SLC45A4: variants seen among roughly 807,000 people sequenced by gnomAD.
The protein encoded by SLC45A4 is solute carrier family 45 member 4, also known as polyamine-transporter SLC45A4.
In SLC45A4, 32 loss-of-function variants were observed where a neutral mutation model predicts 63.7. The observed-to-expected ratio is 0.50, with a 90% CI of 0.38 to 0.67. The LOEUF (loss-of-function observed/expected upper bound fraction) is 0.67. Ranked by LOEUF, SLC45A4 falls within the 30% of genes least tolerant of loss-of-function variation. The probability of loss-of-function intolerance (pLI) is 0.00; values close to 1 mark genes in which losing one functional copy is unlikely to be tolerated. For missense variants in SLC45A4, 1,027 were observed against 1,157.7 expected (o/e 0.89, Z 1.64); for synonymous variants, 535 against 510.0 (o/e 1.05, Z -0.66).
At chr8:141,258,209 G>A (rs58370789) in intron 1 of SLC45A4, among the ~76,000 whole-genome samples, 7,725 of 152,150 alleles carry the variant, frequency 0.051, 668 homozygotes, top group African/African-American at 0.17. Context: ...GGGTCAGGAA[G>A]TCGCCAGAGT....
At chr8:141,303,282 C>A (rs1830803483) in intron 1 of SLC45A4, among the ~76,000 whole-genome samples, 1 of 151,326 alleles carries the variant, frequency 6.6e-6, no homozygotes, top group South Asian at 2.1e-4. Context: ...TAGGCACGTG[C>A]CATCGTGCCC....
At chr8:141,238,103 G>A (rs935687075) in intron 2 of SLC45A4, among the ~76,000 whole-genome samples, 2 of 152,144 alleles carry the variant, frequency 1.3e-5, no homozygotes, top group Non-Finnish European at 2.9e-5. Flanking sequence ...AGCTGGCCAC[G>A]GGCCACCTGT....
At position 141,304,572 on chromosome 8, in the gene SLC45A4, A is replaced by G. The variant is rs140613679; in HGVS notation, c.-401+3524T>C. Reference sequence around the variant, plus strand: ...AGACTGTCTCAAAAAAAAAAAAAAAAAGGGGGGGAGAGAGAGAACTTCCTC... The same window carrying G: ...AGACTGTCTCAAAAAAAAAAAAAAAGAGGGGGGGAGAGAGAGAACTTCCTC... On this transcript the variant is annotated intron_variant, in intron 1 of 8. Transcript: ENST00000517878. 7.9e-4 allele frequency among the ~76,000 whole-genome samples: 65 copies of G among 82,450 alleles called. 2 individuals carry two copies. Among genetic ancestry groups the G allele is most frequent in the Middle Eastern group, 6.8e-3 (1 of 148 alleles). 54.1% of individuals were successfully genotyped at this position (82,450 alleles called of 152,430 possible).
chr8:141,242,898 C>CTA (rs1188232692), intron 2 of SLC45A4, among the ~76,000 whole-genome samples: 2 of 152,168 alleles, frequency 1.3e-5, no homozygotes, highest in Non-Finnish European at 2.9e-5. Context: ...TGGTAGGAGG[C>CTA]TATAGAATCT....
chr8:141,250,792 C>A (rs953335601), intron 2 of SLC45A4, among the ~76,000 whole-genome samples: 1 of 152,206 alleles, frequency 6.6e-6, no homozygotes, highest in South Asian at 2.1e-4. Context: ...GATGGGTTTA[C>A]TGGGACATAC....
At chr8:141,232,981 G>A (rs1016727524) in intron 2 of SLC45A4, among the ~76,000 whole-genome samples, 2 of 152,240 alleles carry the variant, frequency 1.3e-5, no homozygotes, top group Non-Finnish European at 2.9e-5. Flanking sequence ...GAGTGGAGAG[G>A]AGCAGCAGCC....
intron 2 of SLC45A4, among the ~76,000 whole-genome samples, chr8:141,236,483 C>T (rs1589796822): frequency 6.6e-6 from 1 of 152,332 alleles, no homozygotes; most frequent in Middle Eastern, 3.4e-3. Context: ...CATCCAAGTC[C>T]ATGCTTCACT....
intron 1 of SLC45A4, among the ~76,000 whole-genome samples, chr8:141,259,538 A>G (rs1828965824): frequency 6.6e-6 from 1 of 151,864 alleles, no homozygotes; most frequent in Non-Finnish European, 1.5e-5. Flanking sequence ...CTCCTCTTGC[A>G]TCTCCTCCCG....
intron 1 of SLC45A4, among the ~76,000 whole-genome samples, chr8:141,255,989 C>A (rs758555875): frequency 6.6e-6 from 1 of 152,154 alleles, no homozygotes; most frequent in African/African-American, 2.4e-5. Flanking sequence ...CCAACCCACA[C>A]GCAGCTTTCC....
At chr8:141,246,270 G>A (rs1340197914) in intron 2 of SLC45A4, among the ~76,000 whole-genome samples, 1 of 152,174 alleles carries the variant, frequency 6.6e-6, no homozygotes, top group African/African-American at 2.4e-5. Context: ...TCCTGCTGCT[G>A]CGTAACAAAC....
chr8:141,230,229 T>G (rs1827272125), intron 2 of SLC45A4: 1 of 427,176 alleles, frequency 2.3e-6, no homozygotes, highest in African/African-American at 2.0e-5. Context: ...TAAGACCCAC[T>G]GTGGCTGTCA....
At chr8:141,255,006 G>A (rs771670052) in intron 1 of SLC45A4, among the ~76,000 whole-genome samples, 1 of 152,192 alleles carries the variant, frequency 6.6e-6, no homozygotes, top group Non-Finnish European at 1.5e-5. Flanking sequence ...CTTTGTGGCT[G>A]CAGATATCAT....
chr8:141,264,302 C>T (rs755684676), intron 1 of SLC45A4, among the ~76,000 whole-genome samples: 2 of 152,102 alleles, frequency 1.3e-5, no homozygotes, highest in Non-Finnish European at 1.5e-5. Flanking sequence ...GAGAGTCCAC[C>T]GCCAGCCCTG....
chr8:141,242,805 C>A (rs1170506098), intron 2 of SLC45A4, among the ~76,000 whole-genome samples: 1 of 152,130 alleles, frequency 6.6e-6, no homozygotes, highest in Admixed American at 6.5e-5. Context: ...GTTGGGGGAG[C>A]CCATCTACCA....
At chr8:141,234,868 C>T (rs955885467) in intron 2 of SLC45A4, among the ~76,000 whole-genome samples, 20 of 152,208 alleles carry the variant, frequency 1.3e-4, no homozygotes, top group Non-Finnish European at 2.2e-4. Context: ...CCTGGGATTG[C>T]GTCACTGTGA....
intron 5 of SLC45A4, among the ~76,000 whole-genome samples, chr8:141,217,755 T>C (rs9324542): frequency 6.6e-6 from 1 of 152,170 alleles, no homozygotes; most frequent in East Asian, 1.9e-4. Flanking sequence ...TTCACACCAG[T>C]ATCAGCATTC....
Position 141,218,487 on chromosome 8 carries a change from T to C in SLC45A4, c.1153A>G (p.Asn385Asp). Residue 385 changes from asparagine to aspartate, a missense_variant, in exon 5 of 9, where the codon AAC becomes GAC. Transcript: ENST00000517878. ...DNHLNEAKVP[N>D]GSGSPTKDAL... ...TCTTTTGTGGGGGAGCCACTTCCGTTTGGGACTTTAGCTTCATTCAAGTGA... is the reference window on the plus strand; with the variant it reads ...TCTTTTGTGGGGGAGCCACTTCCGTCTGGGACTTTAGCTTCATTCAAGTGA... 6.2e-7 allele frequency: 1 copy of C among 1,613,324 alleles called. No homozygotes were observed. The highest frequency in any genetic ancestry group is 8.5e-7 in the Non-Finnish European group (1 of 1,179,940).
intron 1 of SLC45A4, among the ~76,000 whole-genome samples, chr8:141,269,170 G>A (rs945775469): frequency 2.0e-5 from 3 of 152,236 alleles, no homozygotes; most frequent in Non-Finnish European, 2.9e-5. Flanking sequence ...TCACCCTGGC[G>A]GGGCAGCTAC....
rs372748710 is a variant in SLC45A4, at chr8:141,305,458, T to C, written c.-401+2638A>G. Among the ~76,000 whole-genome samples the C allele has an allele frequency of 5.3e-5, 8 of 152,318 alleles. No individual in the cohort carries two copies. In the East Asian group the frequency reaches 1.5e-3, roughly 29 times the overall value. ...CTTCGTCAGCATAATCACGCAGTGA[T>C]GAAAACCTGGGGAACCTAGGAGGCC... On this transcript the variant is annotated intron_variant, in intron 1 of 8. Coordinates refer to ENST00000517878, the MANE Select transcript of SLC45A4 (RefSeq NM_001286646.2).
Sources: gnomAD v4.1 joint callset for allele counts (sites outside exome capture counted in the v4.1 genomes callset) on GRCh38, gnomAD v4.1.1 for gene constraint, MANE v1.5 for transcripts, NCBI Gene and HGNC (gene_info 2026-07-23, HGNC 2026-07-21) for gene names.